Variants in KANSL1 observed in about 807,000 individuals in gnomAD.
KANSL1 encodes MLL1/MLL complex subunit KANSL1.
Under a neutral mutation model 103.6 loss-of-function variants are expected in KANSL1, and 22 were observed. That is an observed-to-expected ratio of 0.21 (90% CI 0.15 to 0.30). The LOEUF is 0.30. KANSL1 is among the 10% of genes least tolerant of loss of function. The pLI is 1.00. For missense variants in KANSL1, 1,337 were observed against 1,399.8 expected (o/e 0.96, Z 0.72); for synonymous variants, 600 against 527.6 (o/e 1.14, Z -1.88).
intron 2 of KANSL1, among the ~76,000 whole-genome samples, chr17:46,130,807 C>G (rs1421727540): frequency 2.6e-5 from 4 of 152,312 alleles, no homozygotes; most frequent in East Asian, 1.9e-4. Flanking sequence ...TCTTTCCCCT[C>G]CCTCATCACA....
chr17:46,062,287 C>T (rs960653606), intron 6 of KANSL1, among the ~76,000 whole-genome samples: 3 of 150,002 alleles, frequency 2.0e-5, no homozygotes, highest in Non-Finnish European at 3.0e-5. Flanking sequence ...TTATTCCCAA[C>T]GAGTTTAACT....
chr17:46,225,221 G>A (rs910249824), upstream of KANSL1: 2 of 153,974 alleles, frequency 1.3e-5, no homozygotes, highest in African/African-American at 2.4e-5. Flanking sequence ...CAGCCGGGCC[G>A]CTCCCTCGAG....
At chr17:46,174,901 C>CAGCTTCAGCCTTCCAAACTCCT (rs1240254714) in intron 1 of KANSL1, among the ~76,000 whole-genome samples, 23 of 152,216 alleles carry the variant, frequency 1.5e-4, no homozygotes, top group Non-Finnish European at 2.8e-4. Context: ...ATCAAACTCC[C>CAGCTTCAGCCTTCCAAACTCCT]AGCTTCAGCC....
chr17:46,082,044 T>G (rs1046056375), intron 4 of KANSL1, among the ~76,000 whole-genome samples: 1 of 152,192 alleles, frequency 6.6e-6, no homozygotes, highest in Non-Finnish European at 1.5e-5. Flanking sequence ...AGAGACCATT[T>G]TCAGTGTTCT....
intron 3 of KANSL1, among the ~76,000 whole-genome samples, chr17:46,084,702 A>T (rs1387102917): frequency 8.3e-5 from 9 of 109,026 alleles, no homozygotes; most frequent in Non-Finnish European, 2.1e-4. Flanking sequence ...AAAATTAAAA[A>T]AAAAAAAAAA....
chr17:46,037,378 T>A (rs577595462), intron 10 of KANSL1: 3 of 152,224 alleles, frequency 2.0e-5, no homozygotes, highest in Non-Finnish European at 2.9e-5. Flanking sequence ...TTGGAAAAGA[T>A]TGATTTGTAA....
At chr17:46,038,492 G>A (rs2077215800) in intron 10 of KANSL1, 46 bp downstream of exon 10, 4 of 1,602,280 alleles carry the variant, frequency 2.5e-6, no homozygotes, top group Admixed American at 1.7e-5. Context: ...TGAGTGAGCT[G>A]TGACCTGCAG....
At chr17:46,169,575 T>A (rs1044730835) in intron 2 of KANSL1, 9 of 152,278 alleles carry the variant, frequency 5.9e-5, no homozygotes, top group African/African-American at 1.7e-4. Flanking sequence ...CACATATTCA[T>A]CTTTTTCAGC....
At chr17:46,159,111 A>G (rs2045593505) in intron 2 of KANSL1, among the ~76,000 whole-genome samples, 1 of 152,144 alleles carries the variant, frequency 6.6e-6, no homozygotes, top group South Asian at 2.1e-4. Flanking sequence ...AACTCTATGG[A>G]CCCTGTGGAA....
At chr17:46,066,797 A>G in intron 5 of KANSL1, 65 bp from the exon 6 acceptor site, 2 of 1,214,362 alleles carry the variant, frequency 1.6e-6, no homozygotes, top group Non-Finnish European at 2.3e-6. Flanking sequence ...AAACAACAAG[A>G]AAACACAAAG....
upstream of KANSL1, among the ~76,000 whole-genome samples, chr17:46,195,034 G>A (rs942653914): frequency 2.6e-5 from 4 of 152,206 alleles, no homozygotes; most frequent in Non-Finnish European, 5.9e-5. Context: ...TCCAAAAGAG[G>A]TCTTTAGTCT....
At chr17:46,092,372 G>A (rs2079430584) in intron 3 of KANSL1, among the ~76,000 whole-genome samples, 1 of 152,154 alleles carries the variant, frequency 6.6e-6, no homozygotes, top group African/African-American at 2.4e-5. Context: ...ACCAAATGAG[G>A]TGAGTATCTT....
chr17:46,132,464 G>A (rs967050378), intron 2 of KANSL1, among the ~76,000 whole-genome samples: 2 of 152,310 alleles, frequency 1.3e-5, no homozygotes, highest in Middle Eastern at 3.4e-3. Context: ...TTCTCAGGGT[G>A]TAGTTACCAT....
Position 46,129,098 on chromosome 17 carries a change from AT to A in KANSL1, c.1290-34398del, listed in dbSNP as rs1336417935. On this transcript the variant is annotated intron_variant, in intron 2 of 14. Coordinates refer to ENST00000432791, the MANE Select transcript of KANSL1 (RefSeq NM_015443.4). ...AATGTAGAGATGAAAAGAAAAAAAAATCTATTCATCTCTGCATCCCCTCAGA... is the reference window on the plus strand; with the variant it reads ...AATGTAGAGATGAAAAGAAAAAAAAACTATTCATCTCTGCATCCCCTCAGA... Among the ~76,000 whole-genome samples, 6 of 152,224 alleles carry A rather than the reference AT, an allele frequency of 3.9e-5. No individual in the cohort carries two copies. The East Asian group carries it at 1.2e-3, about 29-fold the overall frequency.
intron 1 of KANSL1, among the ~76,000 whole-genome samples, chr17:46,220,832 G>C (rs1225166957): frequency 6.6e-6 from 1 of 152,152 alleles, no homozygotes; most frequent in Non-Finnish European, 1.5e-5. Flanking sequence ...GATTACAGGT[G>C]TGTGCCACCA....
intron 2 of KANSL1, among the ~76,000 whole-genome samples, chr17:46,101,962 T>G (rs2042341567): frequency 6.6e-6 from 1 of 152,136 alleles, no homozygotes; most frequent in African/African-American, 2.4e-5. Flanking sequence ...TAGAGTCATC[T>G]AAAAGTTCCA....
intron 6 of KANSL1, among the ~76,000 whole-genome samples, chr17:46,054,910 G>C (rs2077863224): frequency 6.6e-6 from 1 of 151,022 alleles, no homozygotes; most frequent in African/African-American, 2.4e-5. Context: ...GAGTGCAGTG[G>C]TGGGATCTCA....
At chr17:46,152,573 T>A (rs562450080) in intron 2 of KANSL1, among the ~76,000 whole-genome samples, 1 of 101,906 alleles carries the variant, frequency 9.8e-6, no homozygotes, top group Non-Finnish European at 1.7e-5. Flanking sequence ...ATACTGACAA[T>A]AGACACAAAG....
intron 9 of KANSL1, 144 bp from the exon 10 acceptor site, chr17:46,038,830 TG>T: frequency 8.2e-7 from 1 of 1,220,490 alleles, no homozygotes; most frequent in Non-Finnish European, 1.2e-6. Context: ...GCACACTAGC[TG>T]TGGGAAGTAG....
Sources: gnomAD v4.1 joint callset for allele counts (sites outside exome capture counted in the v4.1 genomes callset) on GRCh38, gnomAD v4.1.1 for gene constraint, MANE v1.5 for transcripts, NCBI Gene and HGNC (gene_info 2026-07-23, HGNC 2026-07-21) for gene names.